Variants in GABBR2 observed in about 807,000 individuals in gnomAD.
GABBR2 encodes gamma-aminobutyric acid type B receptor subunit 2.
GABBR2 carries 23 observed loss-of-function variants against 105.6 expected under a neutral mutation model. The observed-to-expected ratio is 0.22, with a 90% CI of 0.16 to 0.31. The LOEUF (loss-of-function observed/expected upper bound fraction) is 0.31. Ranked by LOEUF, GABBR2 falls within the 10% of genes least tolerant of loss-of-function variation. The probability of loss-of-function intolerance (pLI) is 1.00; values close to 1 mark genes in which losing one functional copy is unlikely to be tolerated. For missense variants in GABBR2, 734 were observed against 1,245.5 expected, an observed-to-expected ratio of 0.59 and a Z score of 6.18; for synonymous variants, 478 against 499.7, an observed-to-expected ratio of 0.96 and a Z score of 0.58.
At chr9:98,649,340 T>A (rs1357032622) in intron 1 of GABBR2, among the ~76,000 whole-genome samples, 2 of 152,214 alleles carry the variant, frequency 1.3e-5, no homozygotes, top group African/African-American at 4.8e-5. Flanking sequence ...GATTGAAGCA[T>A]CCTGGAATTT....
intron 1 of GABBR2, among the ~76,000 whole-genome samples, chr9:98,661,186 G>T (rs1355953038): frequency 1.3e-5 from 2 of 152,170 alleles, no homozygotes; most frequent in African/African-American, 4.8e-5. Context: ...AGGATTACAA[G>T]AGTGAGCCAC....
intron 4 of GABBR2, among the ~76,000 whole-genome samples, chr9:98,486,937 C>A (rs138072518): frequency 3.9e-5 from 6 of 152,114 alleles, no homozygotes; most frequent in Admixed American, 6.5e-5. Context: ...CCCCACCCCC[C>A]ACTGGAAATG....
In GABBR2 at chr9:98,477,781, T is replaced by C. The variant is rs577508734; in HGVS notation, c.798+3151A>G. Among the ~76,000 whole-genome samples the C allele has an allele frequency of 1.9e-4, 29 of 152,302 alleles. No homozygotes were observed. In the South Asian group the frequency reaches 6.0e-3, roughly 32 times the overall value. On this transcript the variant is annotated intron_variant, in intron 5 of 18. Transcript: ENST00000259455. ...AAGACGTTTCCTTTTTATATTAAGG[T>C]TTACAACAATAATAGTAATAAACCC... is the stretch of plus-strand genomic sequence containing the variant.
chr9:98,424,158 A>T (rs1287267965), intron 7 of GABBR2, among the ~76,000 whole-genome samples: 1 of 152,174 alleles, frequency 6.6e-6, no homozygotes, highest in Non-Finnish European at 1.5e-5. Flanking sequence ...CATCCCTGGG[A>T]TGCAAGGCTG....
chr9:98,385,855 G>T, intron 10 of GABBR2, 83 bp from the exon 11 acceptor site: 1 of 1,095,950 alleles, frequency 9.1e-7, no homozygotes, highest in Non-Finnish European at 1.4e-6. Context: ...ACGCCTGCTA[G>T]ATATATATTG....
intron 13 of GABBR2, among the ~76,000 whole-genome samples, chr9:98,358,289 C>A (rs1831523745): frequency 6.6e-6 from 1 of 152,144 alleles, no homozygotes; most frequent in African/African-American, 2.4e-5. Flanking sequence ...AAATAGTTTT[C>A]CAAGTGGTTG....
rs184349896 is a variant in GABBR2, at chr9:98,541,565, G to A, written c.630+308C>T. The stretch of plus-strand genomic sequence containing the variant: ...TGGTAGAACTTTGTGATCTTAGATG[G>A]TCACGACAGCATCAGTAACAAAGAC... On this transcript the variant is annotated intron_variant, in intron 3 of 18. Transcript: ENST00000259455. Among the ~76,000 whole-genome samples the A allele has an allele frequency of 2.6e-3, 388 of 150,078 alleles. 10 individuals carry two copies. Among genetic ancestry groups the A allele is most frequent in the Non-Finnish European group, 5.1e-4 (34 of 66,948 alleles).
At chr9:98,563,209 G>A (rs1043776619) in intron 2 of GABBR2, among the ~76,000 whole-genome samples, 15 of 151,486 alleles carry the variant, frequency 9.9e-5, no homozygotes, top group Admixed American at 9.9e-4. Flanking sequence ...ACATTAAAGA[G>A]AAAGATTGAG....
chr9:98,686,892 G>A (rs1318571053), intron 1 of GABBR2, among the ~76,000 whole-genome samples: 1 of 151,854 alleles, frequency 6.6e-6, no homozygotes, highest in Non-Finnish European at 1.5e-5. Flanking sequence ...AGCCCTCCAA[G>A]CTCTGCCTCT....
intron 13 of GABBR2, among the ~76,000 whole-genome samples, chr9:98,337,682 T>A (rs928275766): frequency 1.3e-5 from 2 of 152,138 alleles, no homozygotes; most frequent in Non-Finnish European, 2.9e-5. Context: ...CAAGTACACA[T>A]CCATGGTCAG....
intron 1 of GABBR2, among the ~76,000 whole-genome samples, chr9:98,641,675 G>A (rs1271484955): frequency 6.6e-6 from 1 of 152,166 alleles, no homozygotes; most frequent in Non-Finnish European, 1.5e-5. Context: ...GTTTTGAGTA[G>A]AGAATCCATT....
chr9:98,492,329 C>G (rs1180658205), intron 4 of GABBR2, among the ~76,000 whole-genome samples: 7 of 73,722 alleles, frequency 9.5e-5, no homozygotes, highest in Non-Finnish European at 2.0e-4. Context: ...GTCTTGAGCC[C>G]GCTTAAGTTT....
chr9:98,617,464 T>C (rs570844300), intron 1 of GABBR2, among the ~76,000 whole-genome samples: 5 of 152,178 alleles, frequency 3.3e-5, no homozygotes, highest in African/African-American at 1.2e-4. Context: ...ACCTCTAAGG[T>C]TTCTGATTTT....
chr9:98,403,929 A>G (rs57224705), intron 8 of GABBR2, among the ~76,000 whole-genome samples: 5,301 of 152,172 alleles, frequency 0.035, 322 homozygotes, highest in African/African-American at 0.12. Context: ...GAAATTCTAC[A>G]GTGAGGAAGT....
intron 1 of GABBR2, among the ~76,000 whole-genome samples, chr9:98,598,776 C>T (rs1377864761): frequency 6.6e-6 from 1 of 152,126 alleles, no homozygotes; most frequent in Non-Finnish European, 1.5e-5. Context: ...ATCCAGCGAG[C>T]ATGAACCTGG....
At chr9:98,572,600 CCT>C (rs1350271835) in intron 2 of GABBR2, among the ~76,000 whole-genome samples, 1 of 152,180 alleles carries the variant, frequency 6.6e-6, no homozygotes, top group Non-Finnish European at 1.5e-5. Flanking sequence ...GCTTAGCCTC[CCT>C]GTGTTGGGGT....
intron 1 of GABBR2, among the ~76,000 whole-genome samples, chr9:98,655,147 G>T (rs139223745): frequency 2.0e-5 from 3 of 152,176 alleles, no homozygotes; most frequent in African/African-American, 7.2e-5. Flanking sequence ...ATATGGTAAT[G>T]GTGAATGCCT....
At chr9:98,467,465 G>C (rs370583566) in intron 6 of GABBR2, among the ~76,000 whole-genome samples, 8 of 146,286 alleles carry the variant, frequency 5.5e-5, no homozygotes, top group African/African-American at 1.1e-4. Context: ...GGAGCTTTGT[G>C]GGGGGTAGGG....
chr9:98,349,344 G>GTTTTTTTTTTTTTTTTTTTTTT lies in GABBR2; in HGVS notation c.1893+13370_1893+13371insAAAAAAAAAAAAAAAAAAAAAA, dbSNP rs1564026872. Reference sequence around the variant, plus strand: ...TTTGGTTTGCCAATATTTTGTTGAAGTTTTGTTTTTTTTTTTTTTTTTTTT... The same window carrying GTTTTTTTTTTTTTTTTTTTTTT: ...TTTGGTTTGCCAATATTTTGTTGAAGTTTTTTTTTTTTTTTTTTTTTTTTTTGTTTTTTTTTTTTTTTTTTTT... On this transcript the variant is annotated intron_variant, in intron 13 of 18. Transcript: ENST00000259455. Among the ~76,000 whole-genome samples the GTTTTTTTTTTTTTTTTTTTTTT allele has an allele frequency of 4.7e-5, 5 of 105,504 alleles. 1 individual carries two copies. Among genetic ancestry groups the GTTTTTTTTTTTTTTTTTTTTTT allele is most frequent in the African/African-American group, 1.2e-4 (3 of 24,916 alleles). The allele number at this position is 105,504 out of a possible 152,430, so 69.2% of individuals were successfully genotyped here.
Sources: allele counts gnomAD v4.1 joint callset (sites outside exome capture counted in the v4.1 genomes callset), GRCh38; gene constraint gnomAD v4.1.1; transcripts MANE v1.5; gene names NCBI Gene and HGNC (gene_info 2026-07-23, HGNC 2026-07-21).